C3orf49: variants seen among roughly 807,000 people sequenced by gnomAD.
C3orf49 encodes the protein chromosome 3 open reading frame 49.
In C3orf49, 27 loss-of-function variants were observed where a neutral mutation model predicts 13.3. The observed-to-expected ratio is 2.02, with a 90% CI of 1.49 to 2.79. The LOEUF is 2.79. C3orf49 is among the 30% of genes most tolerant of loss of function. C3orf49 has a pLI of 0.00. For missense variants in C3orf49, 242 were observed against 134.2 expected (o/e 1.80, Z -3.97); for synonymous variants, 87 against 47.6 (o/e 1.83, Z -3.40).
At chr3:63,784,015 A>T in the C3orf49 span, among the ~76,000 whole-genome samples, 1 of 152,062 alleles carries the variant, frequency 6.6e-6, no homozygotes. Flanking sequence ...AATTTCCTTG[A>T]CTCTCACTTA....
intron 5 of C3orf49, among the ~76,000 whole-genome samples, chr3:63,836,870 G>GT (rs1701645088): frequency 6.6e-6 from 1 of 151,698 alleles, no homozygotes; most frequent in South Asian, 2.1e-4. Flanking sequence ...TCCAAGATAA[G>GT]TCATGTAACT....
At chr3:63,791,920 A>G in the C3orf49 span, among the ~76,000 whole-genome samples, 1 of 152,322 alleles carries the variant, frequency 6.6e-6, no homozygotes, top group East Asian at 1.9e-4. Context: ...AACTGATGCC[A>G]GATCTTCATC....
At chr3:63,803,108 C>T in the C3orf49 span, among the ~76,000 whole-genome samples, 7 of 152,112 alleles carry the variant, frequency 4.6e-5, no homozygotes, top group Non-Finnish European at 1.0e-4. Context: ...CCTCTCCTGC[C>T]CCTTTTAAAT....
chr3:63,827,425 C>A, intron 2 of C3orf49, 176 bp from the exon 3 acceptor site: 1 of 523,682 alleles, frequency 1.9e-6, no homozygotes, highest in Non-Finnish European at 3.4e-6. Flanking sequence ...CAAATGCGTG[C>A]AGGAGAAAGT....
the C3orf49 span, among the ~76,000 whole-genome samples, chr3:63,814,023 G>A: frequency 6.6e-6 from 1 of 152,210 alleles, no homozygotes. Context: ...AGCTTACCAA[G>A]TTTGCAGAGG....
At chr3:63,825,984 G>C (rs571439471) in intron 2 of C3orf49, among the ~76,000 whole-genome samples, 7 of 152,168 alleles carry the variant, frequency 4.6e-5, no homozygotes, top group Admixed American at 1.3e-4. Flanking sequence ...CAAGGTGGAG[G>C]GGGGAGAACA....
At chr3:63,821,626 T>C (rs1701395896) in intron 1 of C3orf49, among the ~76,000 whole-genome samples, 1 of 152,066 alleles carries the variant, frequency 6.6e-6, no homozygotes, top group Non-Finnish European at 1.5e-5. Context: ...AATAAAAAGA[T>C]ATGAACAATT....
upstream of C3orf49, among the ~76,000 whole-genome samples, chr3:63,815,507 C>T (rs1701313894): frequency 6.6e-6 from 1 of 152,162 alleles, no homozygotes; most frequent in South Asian, 2.1e-4. Flanking sequence ...ACCTATGTTC[C>T]CACCACATTG....
At chr3:63,826,856 G>C (rs1701469385) in intron 2 of C3orf49, 1 of 152,140 alleles carries the variant, frequency 6.6e-6, no homozygotes, top group Admixed American at 6.6e-5. Context: ...GGCTGAGGCA[G>C]GAGAATGGCC....
chr3:63,831,855 C>A lies in C3orf49; in HGVS notation c.849+11C>A. On this transcript the variant is annotated intron_variant, in intron 5 of 6. Transcript: ENST00000295896. ...TATAAATTAAAAAATGTGTGTTTCC[C>A]ATGTACCTGCTGCTGCTTCTGACTT... 1.4e-6 allele frequency: 1 copy of A among 696,048 alleles called. No individual in the cohort carries two copies. The highest frequency in any genetic ancestry group is 1.5e-5 in the South Asian group (1 of 66,578). The allele number at this position is 696,048 out of a possible 1,614,324, so 43.1% of individuals were successfully genotyped here. A position where few individuals can be genotyped will look rare whatever the true frequency, so the allele number is the denominator to read the frequency against.
chr3:63,816,764 C>CT (rs757549553), upstream of C3orf49, among the ~76,000 whole-genome samples: 1,615 of 80,072 alleles, frequency 0.02, 30 homozygotes, highest in African/African-American at 0.047. Context: ...ATTTTCTTTT[C>CT]TTTTCTTTTT....
At chr3:63,779,959 C>G in the C3orf49 span, 4 of 152,110 alleles carry the variant, frequency 2.6e-5, no homozygotes, top group Admixed American at 2.6e-4. Flanking sequence ...GTGATGTCAA[C>G]TTTATTGTGC....
the C3orf49 span, among the ~76,000 whole-genome samples, chr3:63,807,857 CAAAAAA>C: frequency 3.1e-5 from 1 of 32,246 alleles, no homozygotes; most frequent in Non-Finnish European, 7.3e-5. Context: ...AACTTCATCT[CAAAAAA>C]AAAAAAAAAA....
chr3:63,830,976 C>A, intron 3 of C3orf49, 134 bp from the exon 4 acceptor site: 1 of 601,688 alleles, frequency 1.7e-6, no homozygotes, highest in South Asian at 2.1e-5. Flanking sequence ...ATACAGTCTG[C>A]AATCCAATAT....
chr3:63,802,291 G>A, the C3orf49 span, among the ~76,000 whole-genome samples: 3 of 152,078 alleles, frequency 2.0e-5, no homozygotes, highest in African/African-American at 4.8e-5. Flanking sequence ...CTGACCAATC[G>A]CCCTTCCTAA....
At chr3:63,791,352 G>A in the C3orf49 span, among the ~76,000 whole-genome samples, 1 of 152,162 alleles carries the variant, frequency 6.6e-6, no homozygotes, top group African/African-American at 2.4e-5. Flanking sequence ...ATTTAATTCT[G>A]TCCCTCCCAT....
chr3:63,781,242 A>G, the C3orf49 span, among the ~76,000 whole-genome samples: 1 of 151,168 alleles, frequency 6.6e-6, no homozygotes, highest in Admixed American at 6.6e-5. Flanking sequence ...TTTATTAAAT[A>G]GGGAATCCTT....
chr3:63,790,547 A>G, the C3orf49 span, among the ~76,000 whole-genome samples: 1 of 151,434 alleles, frequency 6.6e-6, no homozygotes, highest in Non-Finnish European at 1.5e-5. Context: ...TAAATGGTGT[A>G]TAATTTCATA....
the C3orf49 span, among the ~76,000 whole-genome samples, chr3:63,786,649 C>G: frequency 6.6e-6 from 1 of 152,184 alleles, no homozygotes; most frequent in Non-Finnish European, 1.5e-5. Context: ...TTTTCTTAAC[C>G]TGTCTTTGAT....
Sources: allele counts gnomAD v4.1 joint callset (sites outside exome capture counted in the v4.1 genomes callset), GRCh38; gene constraint gnomAD v4.1.1; transcripts MANE v1.5; gene names NCBI Gene and HGNC (gene_info 2026-07-23, HGNC 2026-07-21).